Variants in RBFOX2 observed in about 807,000 individuals in gnomAD.
The protein encoded by RBFOX2 is RNA binding protein fox-1 homolog 2.
Under a neutral mutation model 49.1 loss-of-function variants are expected in RBFOX2, and 10 were observed. The observed-to-expected ratio is 0.20, with a 90% CI of 0.13 to 0.35. The LOEUF (loss-of-function observed/expected upper bound fraction) is 0.35, where lower values mean the gene tolerates loss of function less well. Ranked by LOEUF, RBFOX2 falls within the 10% of genes least tolerant of loss-of-function variation. RBFOX2 has a pLI of 1.00. For missense variants in RBFOX2, 323 were observed against 486.9 expected (o/e 0.66, Z 3.17); for synonymous variants, 183 against 187.4 (o/e 0.98, Z 0.19).
At chr22:35,861,730 T>A (rs2043117504) in intron 1 of RBFOX2, among the ~76,000 whole-genome samples, 1 of 152,192 alleles carries the variant, frequency 6.6e-6, no homozygotes, top group Non-Finnish European at 1.5e-5. Flanking sequence ...TTTAGCAAGT[T>A]CTTATAAATT....
chr22:35,854,291 C>A (rs920865219), intron 1 of RBFOX2, among the ~76,000 whole-genome samples: 1 of 152,042 alleles, frequency 6.6e-6, no homozygotes, highest in African/African-American at 2.4e-5. Flanking sequence ...TCATTTAAGA[C>A]TAGAGGATAT....
At chr22:35,794,620 T>G (rs1313412716) in intron 2 of RBFOX2, among the ~76,000 whole-genome samples, 1 of 151,528 alleles carries the variant, frequency 6.6e-6, no homozygotes, top group Non-Finnish European at 1.5e-5. Context: ...ATCACGCCAC[T>G]GCACTCCAGC....
At chr22:35,799,609 G>A (rs1297076965) in intron 2 of RBFOX2, among the ~76,000 whole-genome samples, 1 of 152,090 alleles carries the variant, frequency 6.6e-6, no homozygotes, top group Non-Finnish European at 1.5e-5. Context: ...GCAACAAACA[G>A]TACAAATAGG....
At chr22:35,975,799 C>T (rs1036568547) in intron 1 of RBFOX2, among the ~76,000 whole-genome samples, 1 of 152,126 alleles carries the variant, frequency 6.6e-6, no homozygotes, top group South Asian at 2.1e-4. Flanking sequence ...AACATATATT[C>T]CAATTTGATT....
intron 1 of RBFOX2, among the ~76,000 whole-genome samples, chr22:35,838,906 T>C (rs1458131288): frequency 1.3e-5 from 2 of 152,170 alleles, no homozygotes; most frequent in East Asian, 1.9e-4. Context: ...TCCCTACAGG[T>C]TTCCCTCCTT....
intron 1 of RBFOX2, among the ~76,000 whole-genome samples, chr22:35,886,993 G>T (rs1402367443): frequency 6.6e-6 from 1 of 152,166 alleles, no homozygotes; most frequent in Non-Finnish European, 1.5e-5. Context: ...CAATATGTGT[G>T]CTTTGACCAC....
intron 1 of RBFOX2, among the ~76,000 whole-genome samples, chr22:35,872,603 C>A (rs1454981816): frequency 6.6e-6 from 1 of 152,192 alleles, no homozygotes; most frequent in Non-Finnish European, 1.5e-5. Context: ...GGCCTCGGCT[C>A]TCCTCCGACT....
intron 1 of RBFOX2, among the ~76,000 whole-genome samples, chr22:35,895,094 T>C (rs112717346): frequency 3.3e-5 from 5 of 150,336 alleles, no homozygotes; most frequent in Admixed American, 1.3e-4. Flanking sequence ...CTCTCTCTCT[T>C]TCTCTCTCTC....
At chr22:35,810,154 T>C in intron 1 of RBFOX2, 150 bp from the exon 3 acceptor site, 1 of 673,358 alleles carries the variant, frequency 1.5e-6, no homozygotes. Context: ...AAAATATTAT[T>C]ACACATACAC....
intron 1 of RBFOX2, among the ~76,000 whole-genome samples, chr22:35,860,524 CCTAA>C (rs1468272421): frequency 1.3e-5 from 2 of 152,218 alleles, no homozygotes; most frequent in Non-Finnish European, 2.9e-5. Context: ...CACAGCAAAA[CCTAA>C]CTGACACAAT....
chr22:35,905,257 T>C (rs2049000768), intron 1 of RBFOX2, among the ~76,000 whole-genome samples: 1 of 151,782 alleles, frequency 6.6e-6, no homozygotes, highest in Non-Finnish European at 1.5e-5. Context: ...GCAGCCAACA[T>C]AGGAAACAAG....
At chr22:35,950,616 G>C (rs1479885050) in intron 1 of RBFOX2, among the ~76,000 whole-genome samples, 2 of 152,158 alleles carry the variant, frequency 1.3e-5, no homozygotes, top group African/African-American at 4.8e-5. Flanking sequence ...CAAAAGGACA[G>C]ATTTCCAGCA....
intron 1 of RBFOX2, among the ~76,000 whole-genome samples, chr22:36,016,142 G>A (rs934011876): frequency 5.9e-5 from 9 of 151,932 alleles, no homozygotes; most frequent in Admixed American, 2.0e-4. Context: ...AATCACTCTG[G>A]CTGGCAACAA....
At chr22:35,843,076 C>T (rs1375676214), upstream of RBFOX2, among the ~76,000 whole-genome samples, 1 of 152,066 alleles carries the variant, frequency 6.6e-6, no homozygotes, top group Non-Finnish European at 1.5e-5. Flanking sequence ...TGAAGTGTGT[C>T]CCTGGTATTA....
chr22:35,849,254 C>A (rs992306880), intron 1 of RBFOX2, among the ~76,000 whole-genome samples: 2 of 150,942 alleles, frequency 1.3e-5, no homozygotes, highest in African/African-American at 4.9e-5. Context: ...TTTATATTGT[C>A]CAGCCCACCT....
intron 1 of RBFOX2, among the ~76,000 whole-genome samples, chr22:35,922,574 A>C (rs1203897854): frequency 1.3e-5 from 2 of 151,922 alleles, no homozygotes; most frequent in Non-Finnish European, 2.9e-5. Context: ...TCCATTTCAA[A>C]AAAAAAAAAA....
chr22:35,781,763 A>G lies in RBFOX2; in HGVS notation c.253-17T>C. 6.2e-7 allele frequency: 1 copy of G among 1,613,786 alleles called. No homozygotes were observed. Among genetic ancestry groups the G allele is most frequent in the South Asian group, 1.1e-5 (1 of 91,010 alleles). On this transcript the variant is annotated splice_polypyrimidine_tract_variant and intron_variant, in intron 2 of 11. Coordinates refer to ENST00000405409, the Ensembl canonical transcript of RBFOX2. ...TTCTGTCTGCTAAGCAAAGAAATAA[A>G]GAATGAAAAATATACACAATTACTT...
intron 1 of RBFOX2, among the ~76,000 whole-genome samples, chr22:35,891,392 C>G (rs1478022321): frequency 1.3e-5 from 2 of 151,866 alleles, no homozygotes; most frequent in Admixed American, 1.3e-4. Flanking sequence ...CTCGGCCTTC[C>G]AAAGTGCTAG....
At chr22:35,903,338 T>C (rs1353685352) in intron 1 of RBFOX2, among the ~76,000 whole-genome samples, 1 of 152,234 alleles carries the variant, frequency 6.6e-6, no homozygotes, top group African/African-American at 2.4e-5. Flanking sequence ...TCTTCTGGCT[T>C]CTGAGATACT....
Sources: gnomAD v4.1 joint callset for allele counts (sites outside exome capture counted in the v4.1 genomes callset) on GRCh38, gnomAD v4.1.1 for gene constraint, MANE v1.5 for transcripts, NCBI Gene and HGNC (gene_info 2026-07-23, HGNC 2026-07-21) for gene names.